PRH1: variants seen among roughly 807,000 people sequenced by gnomAD.
The protein encoded by PRH1 is proline rich protein HaeIII subfamily 1.
A neutral mutation model predicts 7.9 loss-of-function variants in PRH1; 7 were observed. That is an observed-to-expected ratio of 0.89 (90% confidence interval 0.50 to 1.67). The LOEUF is 1.67. Among genes scored for constraint, PRH1 ranks in the 40% most tolerant of loss-of-function variants. PRH1 has a pLI of 0.00. For synonymous variants in PRH1, 45 were observed against 80.8 expected (o/e 0.56, Z 2.38); for missense variants, 109 against 223.6 (o/e 0.49, Z 3.27).
At chr12:11,061,688 A>G (rs1319214432) in intron 1 of PRH1, 1 of 1,614,022 alleles carries the variant, frequency 6.2e-7, no homozygotes, top group African/African-American at 1.3e-5. Context: ...AGATGTTTAC[A>G]CAGAGAACAG....
intron 2 of PRH1, among the ~76,000 whole-genome samples, chr12:10,967,705 T>G (rs10772393): frequency 0.24 from 37,036 of 152,134 alleles, 4,560 homozygotes; most frequent in Non-Finnish European, 0.25. Context: ...ACAGGGAAAT[T>G]CAATGAACAG....
intron 1 of PRH1, among the ~76,000 whole-genome samples, chr12:11,100,605 T>G (rs1310609366): frequency 6.6e-6 from 1 of 152,234 alleles, no homozygotes; most frequent in East Asian, 1.9e-4. Context: ...TCTTAGTTTT[T>G]AACAATCTTT....
At chr12:11,147,372 G>C (rs1173051076) in intron 1 of PRH1, among the ~76,000 whole-genome samples, 2 of 152,070 alleles carry the variant, frequency 1.3e-5, no homozygotes, top group East Asian at 1.9e-4. Context: ...ATTTTTAGTA[G>C]AGACAGGGTT....
intron 1 of PRH1, among the ~76,000 whole-genome samples, chr12:11,162,391 G>C (rs1947442760): frequency 6.6e-6 from 1 of 152,160 alleles, no homozygotes; most frequent in East Asian, 1.9e-4. Context: ...TTTATACTTT[G>C]AAGTGAAGAT....
At chr12:10,969,260 CA>C (rs1761128412) in intron 2 of PRH1, among the ~76,000 whole-genome samples, 1 of 152,170 alleles carries the variant, frequency 6.6e-6, no homozygotes, top group African/African-American at 2.4e-5. Context: ...TAGTCTACAA[CA>C]TTGAGCTGCT....
intron 1 of PRH1, among the ~76,000 whole-genome samples, chr12:11,104,461 T>C (rs1218240470): frequency 6.6e-6 from 1 of 152,240 alleles, no homozygotes; most frequent in African/African-American, 2.4e-5. Flanking sequence ...TCTGTATTAT[T>C]ATCTATGTAG....
intron 1 of PRH1, among the ~76,000 whole-genome samples, chr12:11,085,271 C>T (rs374900277): frequency 7.5e-4 from 113 of 151,044 alleles, no homozygotes; most frequent in Middle Eastern, 3.4e-3. Context: ...TAACAGCATA[C>T]TGTAAGGCAA....
At chr12:10,931,755 T>C (rs1950217312) in intron 2 of PRH1, among the ~76,000 whole-genome samples, 2 of 152,222 alleles carry the variant, frequency 1.3e-5, no homozygotes, top group African/African-American at 4.8e-5. Context: ...TCTTACTTAT[T>C]GGAAAAATTT....
At chr12:10,989,699 T>C (rs1939834576) in intron 1 of PRH1, among the ~76,000 whole-genome samples, 4 of 152,186 alleles carry the variant, frequency 2.6e-5, no homozygotes. Context: ...CCTTCATGCA[T>C]GTTCAGCTTT....
intron 1 of PRH1, among the ~76,000 whole-genome samples, chr12:11,136,553 T>C (rs755111021): frequency 3.9e-5 from 6 of 151,940 alleles, no homozygotes; most frequent in Admixed American, 1.3e-4. Context: ...TTCAAGTAAA[T>C]TTACTCCTGT....
Position 11,087,388 on chromosome 12 carries a change from C to T in PRH1, n.124-40200G>A, listed in dbSNP as rs2136247316. 1.7e-5 allele frequency among the ~76,000 whole-genome samples: 2 copies of T among 117,574 alleles called. 1 individual carries two copies. The highest frequency in any genetic ancestry group is 5.7e-5 in the African/African-American group (2 of 35,174). 77.1% of individuals were successfully genotyped at this position (117,574 alleles called of 152,430 possible). ...GGACTACAGGCATGAGCCATGACAT[C>T]CAGCCTGCATTGAGAGTTTCTGAAG... On this transcript the variant is annotated intron_variant and non_coding_transcript_variant, in intron 1 of 4. Transcript: ENST00000541977.
At chr12:11,002,745 T>C (rs1026044787) in intron 1 of PRH1, among the ~76,000 whole-genome samples, 2 of 152,070 alleles carry the variant, frequency 1.3e-5, no homozygotes, top group Admixed American at 6.6e-5. Flanking sequence ...AAATATGTTT[T>C]ATAGCTTAAC....
chr12:10,957,078 G>A (rs1674278440), intron 2 of PRH1, among the ~76,000 whole-genome samples: 2 of 148,940 alleles, frequency 1.3e-5, no homozygotes, highest in South Asian at 4.2e-4. Flanking sequence ...AAATTCACTG[G>A]GAATGAAAAA....
intron 2 of PRH1, among the ~76,000 whole-genome samples, chr12:10,949,974 T>C (rs941057998): frequency 8.5e-5 from 13 of 152,332 alleles, no homozygotes; most frequent in African/African-American, 2.6e-4. Context: ...ATAAATTGAA[T>C]TATATTGAAT....
intron 2 of PRH1, among the ~76,000 whole-genome samples, chr12:10,928,914 A>G (rs1475706383): frequency 6.6e-6 from 1 of 152,222 alleles, no homozygotes. Context: ...GCACAGTGGA[A>G]AGCAGAATAG....
chr12:10,964,379 T>C, intron 2 of PRH1: 2 of 223,548 alleles, frequency 8.9e-6, no homozygotes, highest in Non-Finnish European at 1.9e-5. Context: ...ACAACATCAG[T>C]TTGTTTTCTC....
chr12:11,070,892 A>G (rs1163973717), intron 1 of PRH1, among the ~76,000 whole-genome samples: 6 of 152,178 alleles, frequency 3.9e-5, no homozygotes, highest in Non-Finnish European at 5.9e-5. Context: ...TATCTAGTAC[A>G]GTGGCATGAT....
upstream of PRH1, among the ~76,000 whole-genome samples, chr12:10,885,439 AGTAAAG>A (rs1400132312): frequency 6.6e-6 from 1 of 151,988 alleles, no homozygotes; most frequent in African/African-American, 2.4e-5. Flanking sequence ...TATCCTTCTA[AGTAAAG>A]GTGTGTGGTA....
At chr12:11,008,308 C>A (rs1406500567) in intron 1 of PRH1, among the ~76,000 whole-genome samples, 6 of 151,854 alleles carry the variant, frequency 4.0e-5, no homozygotes, top group African/African-American at 1.5e-4. Context: ...TCTCCTAATT[C>A]AAAATTTTTA....
Sources: gnomAD v4.1 joint callset for allele counts (sites outside exome capture counted in the v4.1 genomes callset) on GRCh38, gnomAD v4.1.1 for gene constraint, MANE v1.5 for transcripts, NCBI Gene and HGNC (gene_info 2026-07-23, HGNC 2026-07-21) for gene names.